The following CCNY variants were observed in gnomAD, a reference collection of about 807,000 sequenced individuals.
The protein encoded by CCNY is cyclin Y.
Under a neutral mutation model 42.8 loss-of-function variants are expected in CCNY, and 19 were observed. The ratio of observed to expected loss-of-function variants is 0.44; its 90% CI spans 0.31 to 0.65. The LOEUF (loss-of-function observed/expected upper bound fraction) is 0.65. Among genes scored for constraint, CCNY ranks in the 30% least tolerant of loss-of-function variants. CCNY has a pLI of 0.07. For synonymous variants in CCNY, 165 were observed against 162.7 expected, an observed-to-expected ratio of 1.01 and a Z score of -0.11; for missense variants, 370 against 437.3, an observed-to-expected ratio of 0.85 and a Z score of 1.37.
intron 1 of CCNY, among the ~76,000 whole-genome samples, chr10:35,480,375 C>CT: frequency 6.6e-6 from 1 of 152,170 alleles, no homozygotes; most frequent in Admixed American, 6.5e-5. Context: ...GTCATTCCGC[C>CT]TTTCCTCGCT....
At chr10:35,393,189 G>T (rs1837452044) in intron 1 of CCNY, among the ~76,000 whole-genome samples, 1 of 152,156 alleles carries the variant, frequency 6.6e-6, no homozygotes, top group South Asian at 2.1e-4. Context: ...ATTTTAATAA[G>T]CGTCAGAGTA....
chr10:35,310,497 A>G (rs1043657369), intron 3 of CCNY, among the ~76,000 whole-genome samples: 3 of 152,206 alleles, frequency 2.0e-5, no homozygotes, highest in African/African-American at 7.2e-5. Context: ...TATGGTTTCC[A>G]TGGCTGTATT....
intron 4 of CCNY, among the ~76,000 whole-genome samples, chr10:35,524,621 T>A (rs58374073): frequency 8.7e-4 from 132 of 152,304 alleles, no homozygotes; most frequent in Middle Eastern, 3.4e-3. Flanking sequence ...GGCTTAAAAA[T>A]AATTTTTTTG....
At chr10:35,510,093 TAGTTTGCCCTCCTTA>T (rs1218126510) in intron 3 of CCNY, among the ~76,000 whole-genome samples, 1 of 152,208 alleles carries the variant, frequency 6.6e-6, no homozygotes, top group East Asian at 1.9e-4. Flanking sequence ...ATCAAGGTCA[TAGTTTGCCCTCCTTA>T]AGATTAAAAA....
intron 8 of CCNY, among the ~76,000 whole-genome samples, chr10:35,558,564 C>T (rs1259356217): frequency 6.6e-6 from 1 of 152,158 alleles, no homozygotes; most frequent in African/African-American, 2.4e-5. Flanking sequence ...CCCCCAGACC[C>T]TCAGAATGTG....
chr10:35,453,378 C>T (rs530955266), intron 1 of CCNY, among the ~76,000 whole-genome samples: 3 of 152,246 alleles, frequency 2.0e-5, no homozygotes, highest in Admixed American at 1.3e-4. Context: ...AAATTTTCCG[C>T]TTATTCAGTC....
At chr10:35,402,313 G>A (rs1374227290) in intron 1 of CCNY, among the ~76,000 whole-genome samples, 4 of 152,282 alleles carry the variant, frequency 2.6e-5, no homozygotes, top group Non-Finnish European at 4.4e-5. Flanking sequence ...CACAAGGTCC[G>A]AATAAAAGAA....
chr10:35,354,790 T>G (rs142879173), intron 1 of CCNY, among the ~76,000 whole-genome samples: 5 of 152,200 alleles, frequency 3.3e-5, no homozygotes, highest in African/African-American at 1.2e-4. Context: ...CTAAGTCTCA[T>G]GAGGAACTGG....
In CCNY at chr10:35,553,045, C is replaced by G. The variant is rs200268976; in HGVS notation, c.606C>G (p.Tyr202Ter). ...TGTACCTTGAAAGACTTTTAACATA[C>G]GCAGAGATAGATATCTGTCCGGCCA... is the stretch of plus-strand genomic sequence containing the variant. Reference protein sequence around the residue: ...TLVYLERLLTYAEIDICPANW... With the variant: ...TLVYLERLLT The change falls in exon 8 of 10, where the codon TAC (tyrosine) becomes TAG (stop). Residue 202 changes from tyrosine to a stop codon, truncating the protein, a stop_gained. Coordinates refer to ENST00000374704, the MANE Select transcript of CCNY (RefSeq NM_145012.6). LOFTEE classifies it high-confidence loss of function. 1 of 1,614,144 alleles carries G rather than the reference C, an allele frequency of 6.2e-7. No individual in the cohort carries two copies. Among genetic ancestry groups the G allele is most frequent in the South Asian group, 1.1e-5 (1 of 91,084 alleles).
chr10:35,324,220 C>T (rs1318858592), intron 3 of CCNY, among the ~76,000 whole-genome samples: 1 of 152,164 alleles, frequency 6.6e-6, no homozygotes, highest in African/African-American at 2.4e-5. Flanking sequence ...GAGAGCTTTA[C>T]AGTACCTGCT....
chr10:35,291,132 A>G (rs1835408719), intron 3 of CCNY, among the ~76,000 whole-genome samples: 2 of 152,032 alleles, frequency 1.3e-5, no homozygotes, highest in Middle Eastern at 3.4e-3. Context: ...CAGCCTCCTG[A>G]GTAGCTGGGA....
chr10:35,513,844 G>A (rs1840371164), intron 3 of CCNY, among the ~76,000 whole-genome samples: 1 of 152,152 alleles, frequency 6.6e-6, no homozygotes, highest in African/African-American at 2.4e-5. Flanking sequence ...ACATGTACAA[G>A]CATACCAGTG....
chr10:35,348,927 A>T (rs942721280), intron 1 of CCNY, among the ~76,000 whole-genome samples: 6 of 151,496 alleles, frequency 4.0e-5, no homozygotes, highest in Non-Finnish European at 8.8e-5. Flanking sequence ...TGTATCCAGG[A>T]TATTTTGTAA....
At chr10:35,256,253 T>C (rs2095715390) in intron 3 of CCNY, among the ~76,000 whole-genome samples, 1 of 152,168 alleles carries the variant, frequency 6.6e-6, no homozygotes, top group Admixed American at 6.5e-5. Flanking sequence ...ATATGCCTTA[T>C]AACTTTTTTG....
At position 35,566,048 on chromosome 10, in the gene CCNY, G is replaced by C. The variant is rs1374394851; in HGVS notation, c.772G>C (p.Glu258Gln). ...DMNELERQFL[E>Q]LLQFNINVPS... ...GAACGAGCTAGAGCGACAGTTTCTT[G>C]AATTGCTGCAGTTCAACATCAATGT... Residue 258 changes from glutamate (E) to glutamine (Q), a missense_variant, in exon 9 of 10, where the codon GAA (glutamate) becomes CAA (glutamine). This residue lies in a region of CCNY where 234 missense variants were observed against 313.1 expected (regional missense o/e 0.75). Transcript: ENST00000374704. 6.2e-7 allele frequency: 1 copy of C among 1,613,970 alleles called. No individual in the cohort carries two copies. Among genetic ancestry groups the C allele is most frequent in the Admixed American group, 1.7e-5 (1 of 59,966 alleles).
At chr10:35,403,786 G>A (rs1323869112) in intron 1 of CCNY, among the ~76,000 whole-genome samples, 2 of 152,212 alleles carry the variant, frequency 1.3e-5, no homozygotes, top group African/African-American at 2.4e-5. Flanking sequence ...AGTGGAGGGA[G>A]GCAGAGCGGT....
intron 1 of CCNY, chr10:35,449,648 G>T: frequency 2.8e-6 from 1 of 363,624 alleles, no homozygotes; most frequent in Non-Finnish European, 3.8e-6. Context: ...AGGGTGGGAG[G>T]GGCAGGGATC....
intron 1 of CCNY, among the ~76,000 whole-genome samples, chr10:35,433,529 A>G (rs1213554031): frequency 6.6e-6 from 1 of 152,228 alleles, no homozygotes; most frequent in Non-Finnish European, 1.5e-5. Context: ...AAAATTAGAT[A>G]TGTTAGTTAT....
At chr10:35,524,577 C>G (rs1281654353) in intron 4 of CCNY, among the ~76,000 whole-genome samples, 1 of 152,174 alleles carries the variant, frequency 6.6e-6, no homozygotes, top group Non-Finnish European at 1.5e-5. Flanking sequence ...GATCAGAACA[C>G]CGTCTGTTGC....
Sources: allele counts gnomAD v4.1 joint callset (sites outside exome capture counted in the v4.1 genomes callset), GRCh38; gene constraint gnomAD v4.1.1; regional missense constraint gnomAD v4.1.1; transcripts MANE v1.5; gene names NCBI Gene and HGNC (gene_info 2026-07-23, HGNC 2026-07-21).